The following DNAJC12 variants were observed in gnomAD, a reference collection of about 807,000 sequenced individuals.
DNAJC12 encodes the protein DnaJ heat shock protein family (Hsp40) member C12, also known as dnaJ homolog subfamily C member 12.
In DNAJC12, 25 loss-of-function variants were observed where a neutral mutation model predicts 28.5. The ratio of observed to expected loss-of-function variants is 0.88; its 90% CI spans 0.64 to 1.22. DNAJC12 has a LOEUF of 1.22. Among genes scored for constraint, DNAJC12 ranks in the 50% most tolerant of loss-of-function variants. The pLI is 0.00. For synonymous variants in DNAJC12, 77 were observed against 80.6 expected, an observed-to-expected ratio of 0.95 and a Z score of 0.24; for missense variants, 222 against 231.7, an observed-to-expected ratio of 0.96 and a Z score of 0.27.
chr10:67,826,626 TATC>T (rs1490274611), intron 1 of DNAJC12, among the ~76,000 whole-genome samples: 1 of 133,676 alleles, frequency 7.5e-6, no homozygotes, highest in African/African-American at 2.8e-5. Flanking sequence ...ATATTATATA[TATC>T]ATTATATATA....
chr10:67,819,744 A>G (rs1313535340), intron 2 of DNAJC12, among the ~76,000 whole-genome samples: 3,651 of 28,558 alleles, frequency 0.13, 308 homozygotes, highest in South Asian at 0.22. Context: ...GGAAGGAAGG[A>G]AGGAAGGAAG....
intron 1 of DNAJC12, among the ~76,000 whole-genome samples, chr10:67,832,309 A>C (rs940241129): frequency 2.0e-5 from 3 of 151,668 alleles, no homozygotes; most frequent in African/African-American, 7.3e-5. Context: ...GATTCATTTT[A>C]ATACTGATTT....
chr10:67,834,975 T>C (rs116755045), intron 1 of DNAJC12, among the ~76,000 whole-genome samples: 1,543 of 152,334 alleles, frequency 0.01, 25 homozygotes, highest in African/African-American at 0.035. Context: ...TTATGTAAAC[T>C]AGAAAATTAG....
intron 4 of DNAJC12, among the ~76,000 whole-genome samples, chr10:67,800,749 G>A (rs558272945): frequency 1.3e-5 from 2 of 152,234 alleles, no homozygotes; most frequent in South Asian, 4.2e-4. Context: ...TTCGAGACCA[G>A]CCTGGCCAAC....
Position 67,805,795 on chromosome 10 carries a change from A to G in DNAJC12, c.298-8T>C. 1 of 1,552,330 alleles carries G rather than the reference A, an allele frequency of 6.4e-7. No homozygotes were observed. Among genetic ancestry groups the G allele is most frequent in the South Asian group, 1.3e-5 (1 of 79,734 alleles). ...GACAACCCAGTGCATTGACTAAATTAATGTAAAGCAGAGATATAAAAATTA... is the reference window on the plus strand; with the variant it reads ...GACAACCCAGTGCATTGACTAAATTGATGTAAAGCAGAGATATAAAAATTA... On this transcript the variant is annotated splice_region_variant and splice_polypyrimidine_tract_variant and intron_variant, in intron 3 of 4. Transcript: ENST00000225171.
rs1334265106 is a variant in DNAJC12 at position 67,830,607 on chromosome 10, C to CAAAA, written c.79-7219_79-7216dup. ...TGGGCGACAGAGCAAGACTCCGTCT[C>CAAAA]AAAAAATAAATAAATAAATAAATAA... On this transcript the variant is annotated intron_variant, in intron 1 of 4. Transcript: ENST00000225171. 3.8e-5 allele frequency among the ~76,000 whole-genome samples: 5 copies of CAAAA among 131,948 alleles called. No individual in the cohort carries two copies. In the Admixed American group the frequency reaches 4.0e-4, roughly 11 times the overall value. 86.6% of individuals were successfully genotyped at this position (131,948 alleles called of 152,430 possible). A position where few individuals can be genotyped will look rare whatever the true frequency, so the allele number is the denominator to read the frequency against.
intron 3 of DNAJC12, among the ~76,000 whole-genome samples, chr10:67,809,399 C>A (rs535628642): frequency 1.3e-5 from 2 of 152,268 alleles, no homozygotes; most frequent in African/African-American, 4.8e-5. Context: ...ATTACTGAAT[C>A]CTCACTCCAA....
intron 3 of DNAJC12, among the ~76,000 whole-genome samples, chr10:67,806,914 T>C (rs967495544): frequency 2.0e-5 from 3 of 152,216 alleles, no homozygotes; most frequent in African/African-American, 7.2e-5. Context: ...CATCTTTTGT[T>C]TTTGTATTTC....
intron 2 of DNAJC12, among the ~76,000 whole-genome samples, chr10:67,818,978 G>A (rs1395263001): frequency 6.6e-6 from 1 of 152,048 alleles, no homozygotes; most frequent in East Asian, 1.9e-4. Flanking sequence ...TTTTATGCTA[G>A]GACACCTATC....
In DNAJC12 at chr10:67,826,614, A is replaced by G. The variant is rs1457688429; in HGVS notation, c.79-3222T>C. Among the ~76,000 whole-genome samples, 6 of 133,680 alleles carry G rather than the reference A, an allele frequency of 4.5e-5. 1 individual carries two copies. The highest frequency in any genetic ancestry group is 7.7e-5 in the Non-Finnish European group (5 of 64,850). The allele number at this position is 133,680 out of a possible 152,430, so 87.7% of individuals were successfully genotyped here. Reference sequence around the variant, plus strand: ...TGATATATATAAGATATCTAATGATATATATTATATATATCATTATATATA... The same window carrying G: ...TGATATATATAAGATATCTAATGATGTATATTATATATATCATTATATATA... On this transcript the variant is annotated intron_variant, in intron 1 of 4. Coordinates refer to ENST00000225171, the MANE Select transcript of DNAJC12 (RefSeq NM_021800.3).
At chr10:67,808,886 C>T (rs556888565) in intron 3 of DNAJC12, among the ~76,000 whole-genome samples, 1 of 152,226 alleles carries the variant, frequency 6.6e-6, no homozygotes, top group East Asian at 1.9e-4. Context: ...ATACTGTTTC[C>T]CATCTGGCTG....
In DNAJC12 at chr10:67,837,989, C is replaced by G. The variant is rs1321236795; in HGVS notation, c.23G>C (p.Arg8Thr). The part of the protein sequence containing the change: MDAILNY[R>T]SEDTEDYYTL... Reference sequence around the variant, plus strand: ...GTAGTAATCTTCAGTATCTTCTGACCTGTAATTCAGTATTGCATCCATTTA... The same window carrying G: ...GTAGTAATCTTCAGTATCTTCTGACGTGTAATTCAGTATTGCATCCATTTA... Residue 8 changes from arginine (R) to threonine (T), a missense_variant, in exon 1 of 5, where the codon AGG (arginine) becomes ACG (threonine). By Grantham distance (71) the Arg-to-Thr change is moderately conservative. Coordinates refer to ENST00000225171, the MANE Select transcript of DNAJC12 (RefSeq NM_021800.3). The G allele has an allele frequency of 3.1e-6, 5 of 1,608,340 alleles. No homozygotes were observed. The highest frequency in any genetic ancestry group is 4.2e-6 in the Non-Finnish European group (5 of 1,177,406).
At chr10:67,826,636 TATAAG>T (rs1294300702) in intron 1 of DNAJC12, among the ~76,000 whole-genome samples, 3 of 133,664 alleles carry the variant, frequency 2.2e-5, no homozygotes, top group African/African-American at 2.8e-5. Context: ...TATCATTATA[TATAAG>T]ATATCTAATG....
intron 3 of DNAJC12, among the ~76,000 whole-genome samples, chr10:67,806,578 C>T (rs767039110): frequency 6.6e-6 from 1 of 152,176 alleles, no homozygotes; most frequent in African/African-American, 2.4e-5. Flanking sequence ...AATCCCAGCA[C>T]TTTGGGAAGC....
chr10:67,826,132 T>C (rs1005792820), intron 1 of DNAJC12, among the ~76,000 whole-genome samples: 2 of 70,702 alleles, frequency 2.8e-5, no homozygotes, highest in Non-Finnish European at 7.8e-5. Flanking sequence ...AAGACATATC[T>C]TTTTTTTTCT....
chr10:67,820,837 G>A (rs1841974745), intron 2 of DNAJC12, among the ~76,000 whole-genome samples: 1 of 130,490 alleles, frequency 7.7e-6, no homozygotes, highest in East Asian at 2.3e-4. Flanking sequence ...AGGCTAGAGT[G>A]CAATGGCGCA....
At chr10:67,807,471 G>A (rs1243773852) in intron 3 of DNAJC12, among the ~76,000 whole-genome samples, 4 of 151,866 alleles carry the variant, frequency 2.6e-5, no homozygotes, top group African/African-American at 7.3e-5. Flanking sequence ...ATTTTTAAAA[G>A]AGGCAATGCC....
intron 4 of DNAJC12, among the ~76,000 whole-genome samples, chr10:67,801,876 C>T (rs1288490292): frequency 3.0e-5 from 2 of 66,142 alleles, no homozygotes; most frequent in Non-Finnish European, 5.1e-5. Context: ...TTTTTTGACA[C>T]GGAGACACAG....
chr10:67,833,929 C>A, intron 1 of DNAJC12: 1 of 472,098 alleles, frequency 2.1e-6, no homozygotes, highest in Non-Finnish European at 4.4e-6. Context: ...GAGTTTGAAC[C>A]CAAAATGACA....
Sources: allele counts gnomAD v4.1 joint callset (sites outside exome capture counted in the v4.1 genomes callset), GRCh38; gene constraint gnomAD v4.1.1; transcripts MANE v1.5; gene names NCBI Gene and HGNC (gene_info 2026-07-23, HGNC 2026-07-21).